Variants in KCNK9 observed in about 807,000 individuals in gnomAD.
The protein encoded by KCNK9 is potassium two pore domain channel subfamily K member 9, also known as potassium channel subfamily K member 9.
KCNK9 carries 1 observed loss-of-function variant against 10.8 expected under a neutral mutation model. The ratio of observed to expected loss-of-function variants is 0.09; its 90% confidence interval spans 0.03 to 0.44. The LOEUF is 0.44. Among genes scored for constraint, KCNK9 ranks in the 20% least tolerant of loss-of-function variants. The probability of loss-of-function intolerance (pLI) is 0.97; values close to 1 mark genes in which losing one functional copy is unlikely to be tolerated. For synonymous variants in KCNK9, 231 were observed against 222.7 expected (o/e 1.04, Z -0.33); for missense variants, 303 against 515.0 (o/e 0.59, Z 3.98).
chr8:139,605,402 G>A (rs56287216), intron 2 of KCNK9, among the ~76,000 whole-genome samples: 9,131 of 152,256 alleles, frequency 0.06, 374 homozygotes, highest in Middle Eastern at 0.11. Flanking sequence ...AGTCCAAAAA[G>A]GATAGTTTTG....
chr8:139,609,767 G>A (rs555430437), downstream of KCNK9, among the ~76,000 whole-genome samples: 21 of 152,324 alleles, frequency 1.4e-4, no homozygotes, highest in Non-Finnish European at 2.6e-4. Context: ...AGAGTCACCT[G>A]CAACAGAGGG....
At chr8:139,637,118 T>G (rs1447772354) in intron 1 of KCNK9, among the ~76,000 whole-genome samples, 1 of 152,258 alleles carries the variant, frequency 6.6e-6, no homozygotes, top group African/African-American at 2.4e-5. Flanking sequence ...TAAAAGGCTG[T>G]GTGCATGTAC....
chr8:139,647,074 C>T (rs773463854), intron 1 of KCNK9, among the ~76,000 whole-genome samples: 8 of 152,240 alleles, frequency 5.3e-5, no homozygotes, highest in Non-Finnish European at 8.8e-5. Context: ...CCTCTGTTGG[C>T]GGCAGGGGGC....
At chr8:139,637,934 G>C (rs899839862) in intron 1 of KCNK9, among the ~76,000 whole-genome samples, 1 of 151,944 alleles carries the variant, frequency 6.6e-6, no homozygotes, top group African/African-American at 2.4e-5. Context: ...TCCCAGCCTT[G>C]GCCAGACAGA....
intron 1 of KCNK9, among the ~76,000 whole-genome samples, chr8:139,694,358 C>T (rs1817003195): frequency 1.3e-5 from 2 of 152,210 alleles, no homozygotes; most frequent in South Asian, 4.1e-4. Context: ...TTCCTCCCAT[C>T]CTTACAAGGA....
At chr8:139,628,413 GC>G (rs1815045332) in intron 1 of KCNK9, among the ~76,000 whole-genome samples, 1 of 152,178 alleles carries the variant, frequency 6.6e-6, no homozygotes, top group African/African-American at 2.4e-5. Flanking sequence ...GTAATCTAAG[GC>G]CCCTTCCCAC....
Position 139,620,683 on chromosome 8 carries a change from T to C in KCNK9, c.284-1584A>G, listed in dbSNP as rs570497765. 1.5e-3 allele frequency among the ~76,000 whole-genome samples: 233 copies of C among 152,186 alleles called. 2 individuals are homozygous for C. Among genetic ancestry groups the C allele is most frequent in the African/African-American group, 5.4e-3 (226 of 41,544 alleles). ...TGAAAAATGACATCACATGTTTGCC[T>C]CCAGAAGGCCTTCCCCCCATCCTCT... On this transcript the variant is annotated intron_variant, in intron 1 of 1. Coordinates refer to ENST00000520439, the MANE Select transcript of KCNK9 (RefSeq NM_001282534.2).
chr8:139,643,704 C>A (rs1402638155), intron 1 of KCNK9, among the ~76,000 whole-genome samples: 1 of 152,210 alleles, frequency 6.6e-6, no homozygotes, highest in Non-Finnish European at 1.5e-5. Flanking sequence ...CCCCACCCCA[C>A]CCCTGAGATG....
chr8:139,690,191 G>T (rs73725172), intron 1 of KCNK9, among the ~76,000 whole-genome samples: 1 of 152,140 alleles, frequency 6.6e-6, no homozygotes, highest in African/African-American at 2.4e-5. Flanking sequence ...CAGACTTCCC[G>T]GGCATAACTC....
At chr8:139,701,347 AG>A (rs1408056649) in intron 1 of KCNK9, among the ~76,000 whole-genome samples, 1 of 152,268 alleles carries the variant, frequency 6.6e-6, no homozygotes, top group Non-Finnish European at 1.5e-5. Flanking sequence ...ATTTAAAACA[AG>A]ATGACTCTCT....
intron 1 of KCNK9, among the ~76,000 whole-genome samples, chr8:139,663,524 T>C (rs1308688334): frequency 6.6e-6 from 1 of 152,038 alleles, no homozygotes; most frequent in East Asian, 1.9e-4. Context: ...ACCTGCTCGT[T>C]CACCCTGAGG....
downstream of KCNK9, among the ~76,000 whole-genome samples, chr8:139,613,926 T>C (rs1393724802): frequency 6.6e-6 from 1 of 152,182 alleles, no homozygotes; most frequent in Admixed American, 6.5e-5. Flanking sequence ...GCCAGTGCAC[T>C]GATAGGACAG....
intron 1 of KCNK9, among the ~76,000 whole-genome samples, chr8:139,649,822 G>C (rs1411029448): frequency 6.6e-6 from 1 of 152,176 alleles, no homozygotes; most frequent in Non-Finnish European, 1.5e-5. Flanking sequence ...CATGTTCTTG[G>C]GTCTGGGGAT....
chr8:139,697,762 CTT>C (rs1817098106), intron 1 of KCNK9, among the ~76,000 whole-genome samples: 1 of 152,130 alleles, frequency 6.6e-6, no homozygotes, highest in Non-Finnish European at 1.5e-5. Context: ...CGAGGTGTCT[CTT>C]TGATGTACCC....
At chr8:139,699,834 G>C (rs1015891182) in intron 1 of KCNK9, among the ~76,000 whole-genome samples, 1 of 152,214 alleles carries the variant, frequency 6.6e-6, no homozygotes, top group Non-Finnish European at 1.5e-5. Context: ...AGCTGCATCT[G>C]AGAAGAAGCC....
At chr8:139,627,250 G>T (rs190366253) in intron 1 of KCNK9, among the ~76,000 whole-genome samples, 1 of 152,180 alleles carries the variant, frequency 6.6e-6, no homozygotes, top group Non-Finnish European at 1.5e-5. Flanking sequence ...TGGATAAGGG[G>T]TATCAGTGGT....
chr8:139,694,262 A>C (rs567683143), intron 1 of KCNK9, among the ~76,000 whole-genome samples: 1 of 152,280 alleles, frequency 6.6e-6, no homozygotes, highest in South Asian at 2.1e-4. Context: ...CCTAATGAGC[A>C]CGCCCAAATG....
chr8:139,677,646 C>T (rs1227879539), intron 1 of KCNK9, among the ~76,000 whole-genome samples: 2 of 33,544 alleles, frequency 6.0e-5, no homozygotes, highest in African/African-American at 9.3e-5. Flanking sequence ...CCCAACAAGA[C>T]CCCAGGGCTG....
At chr8:139,637,650 A>G (rs1000229058) in intron 1 of KCNK9, among the ~76,000 whole-genome samples, 15 of 152,222 alleles carry the variant, frequency 9.9e-5, no homozygotes, top group East Asian at 3.9e-4. Context: ...AAAGTTTGTT[A>G]TGCAAAAAAC....
Sources: gnomAD v4.1 joint callset for allele counts (sites outside exome capture counted in the v4.1 genomes callset) on GRCh38, gnomAD v4.1.1 for gene constraint, MANE v1.5 for transcripts, NCBI Gene and HGNC (gene_info 2026-07-23, HGNC 2026-07-21) for gene names.